The following MYRIP variants were observed in gnomAD, a reference collection of about 807,000 sequenced individuals.
MYRIP encodes the protein myosin VIIA and Rab interacting protein.
MYRIP carries 49 observed loss-of-function variants against 98.0 expected under a neutral mutation model. The observed-to-expected ratio is 0.50, with a 90% CI of 0.40 to 0.63. The LOEUF (loss-of-function observed/expected upper bound fraction) is 0.63, where lower values mean the gene tolerates loss of function less well. Ranked by LOEUF, MYRIP falls within the 30% of genes least tolerant of loss-of-function variation. The pLI is 0.00. For synonymous variants in MYRIP, 404 were observed against 409.5 expected (o/e 0.99, Z 0.16); for missense variants, 1,004 against 1,058.2 (o/e 0.95, Z 0.71).
chr3:40,209,802 A>T, intron 10 of MYRIP, 52 bp from the exon 11 acceptor site: 2 of 1,606,326 alleles, frequency 1.2e-6, no homozygotes, highest in Non-Finnish European at 1.7e-6. Context: ...AACAAGAAGC[A>T]ACATGGCTGT....
At chr3:40,228,569 C>G (rs965304812) in intron 11 of MYRIP, among the ~76,000 whole-genome samples, 5 of 152,110 alleles carry the variant, frequency 3.3e-5, no homozygotes, top group African/African-American at 1.2e-4. Flanking sequence ...TGTACGCTTC[C>G]CTATCTCTCT....
chr3:40,087,913 G>T (rs112131189), intron 3 of MYRIP, among the ~76,000 whole-genome samples: 33 of 144,512 alleles, frequency 2.3e-4, no homozygotes, highest in Admixed American at 4.3e-4. Context: ...GCACAAAGAT[G>T]CCTGTGCCTC....
intron 2 of MYRIP, among the ~76,000 whole-genome samples, chr3:39,912,976 G>T (rs1411032574): frequency 6.6e-6 from 1 of 152,156 alleles, no homozygotes; most frequent in African/African-American, 2.4e-5. Context: ...GGAGGCGGAG[G>T]TTGCAGTAAG....
chr3:40,151,275 C>T (rs1046152555), intron 4 of MYRIP, 91 bp downstream of exon 4: 1 of 1,344,352 alleles, frequency 7.4e-7, no homozygotes. Context: ...AGCACACTCA[C>T]CTGGGACAGA....
chr3:40,215,495 C>A (rs991440677), intron 11 of MYRIP, among the ~76,000 whole-genome samples: 3 of 152,062 alleles, frequency 2.0e-5, no homozygotes, highest in Non-Finnish European at 2.9e-5. Flanking sequence ...TAGAGCCAAG[C>A]CACATGGAAA....
At chr3:40,096,266 G>A (rs1335936038) in intron 3 of MYRIP, among the ~76,000 whole-genome samples, 1 of 152,152 alleles carries the variant, frequency 6.6e-6, no homozygotes, top group Non-Finnish European at 1.5e-5. Flanking sequence ...AAAAAGGGGT[G>A]ACCTGGGCAT....
chr3:40,003,364 G>T (rs896138577), intron 2 of MYRIP, among the ~76,000 whole-genome samples: 2 of 152,192 alleles, frequency 1.3e-5, no homozygotes, highest in Non-Finnish European at 2.9e-5. Context: ...GATTTGTGAA[G>T]AAGACCCCCT....
intron 2 of MYRIP, among the ~76,000 whole-genome samples, chr3:39,927,562 C>G (rs1157407636): frequency 6.6e-6 from 1 of 151,738 alleles, no homozygotes; most frequent in African/African-American, 2.4e-5. Flanking sequence ...AAAAACCTAC[C>G]AACCAAAAAA....
chr3:39,837,218 A>C (rs997967042), intron 1 of MYRIP, among the ~76,000 whole-genome samples: 2 of 152,166 alleles, frequency 1.3e-5, no homozygotes, highest in Non-Finnish European at 2.9e-5. Flanking sequence ...TCTTTAGTTT[A>C]ATTAGATCCC....
intron 2 of MYRIP, among the ~76,000 whole-genome samples, chr3:40,016,103 G>T (rs1046809489): frequency 6.6e-6 from 1 of 152,000 alleles, no homozygotes; most frequent in Admixed American, 6.6e-5. Flanking sequence ...TAAGCAGGTG[G>T]CTTGGTCCTA....
intron 2 of MYRIP, among the ~76,000 whole-genome samples, chr3:40,005,804 G>A (rs1033099231): frequency 6.6e-6 from 1 of 152,076 alleles, no homozygotes; most frequent in Non-Finnish European, 1.5e-5. Flanking sequence ...CTTTGTAACT[G>A]GGTCTATAAT....
At chr3:40,165,115 A>T (rs547035070) in intron 5 of MYRIP, among the ~76,000 whole-genome samples, 1 of 152,358 alleles carries the variant, frequency 6.6e-6, no homozygotes, top group African/African-American at 2.4e-5. Context: ...AGTGTCTACC[A>T]CCAGGGAGCT....
At chr3:39,867,557 A>C (rs896399837) in intron 1 of MYRIP, among the ~76,000 whole-genome samples, 25 of 152,354 alleles carry the variant, frequency 1.6e-4, no homozygotes, top group African/African-American at 6.0e-4. Context: ...AAAAGTGCTC[A>C]ACATCACACA....
chr3:40,110,575 T>C (rs1390676012), intron 3 of MYRIP, among the ~76,000 whole-genome samples: 2 of 152,186 alleles, frequency 1.3e-5, no homozygotes, highest in Non-Finnish European at 2.9e-5. Flanking sequence ...AGCCCTTGCG[T>C]ACCTGGGGAT....
intron 2 of MYRIP, among the ~76,000 whole-genome samples, chr3:39,975,913 G>A (rs1273116886): frequency 6.6e-6 from 1 of 152,144 alleles, no homozygotes; most frequent in Admixed American, 6.5e-5. Flanking sequence ...ATGGATTAAA[G>A]ACTTAAATGT....
chr3:40,094,892 T>G (rs1213729456), intron 3 of MYRIP, among the ~76,000 whole-genome samples: 1 of 152,176 alleles, frequency 6.6e-6, no homozygotes, highest in Non-Finnish European at 1.5e-5. Flanking sequence ...GATGATGGCT[T>G]TGCCAGAGCT....
intron 12 of MYRIP, among the ~76,000 whole-genome samples, chr3:40,240,692 C>G (rs1194861018): frequency 1.3e-5 from 2 of 152,194 alleles, no homozygotes; most frequent in African/African-American, 4.8e-5. Context: ...TCTTGTCTCC[C>G]CTAAAGGCAG....
intron 11 of MYRIP, among the ~76,000 whole-genome samples, chr3:40,226,210 A>G (rs1952484275): frequency 1.3e-5 from 2 of 152,216 alleles, no homozygotes; most frequent in African/African-American, 2.4e-5. Context: ...GATGCATGAG[A>G]AAAGGAGCTC....
At chr3:39,832,803 C>T (rs191114951) in intron 1 of MYRIP, among the ~76,000 whole-genome samples, 287 of 152,266 alleles carry the variant, frequency 1.9e-3, no homozygotes, top group Non-Finnish European at 3.5e-3. Context: ...TATTGCATTT[C>T]AGGCAGGTGC....
Sources: gnomAD v4.1 joint callset for allele counts (sites outside exome capture counted in the v4.1 genomes callset) on GRCh38, gnomAD v4.1.1 for gene constraint, MANE v1.5 for transcripts, NCBI Gene and HGNC (gene_info 2026-07-23, HGNC 2026-07-21) for gene names.